SULF2: variants seen among roughly 807,000 people sequenced by gnomAD.
SULF2 encodes extracellular sulfatase Sulf-2.
SULF2 carries 52 observed loss-of-function variants against 107.7 expected under a neutral mutation model. The ratio of observed to expected loss-of-function variants is 0.48; its 90% confidence interval spans 0.39 to 0.61. The LOEUF (loss-of-function observed/expected upper bound fraction) is 0.61, where lower values mean the gene tolerates loss of function less well. Ranked by LOEUF, SULF2 falls within the 20% of genes least tolerant of loss-of-function variation. The pLI is 0.00. For missense variants in SULF2, 993 were observed against 1,177.3 expected (o/e 0.84, Z 2.29); for synonymous variants, 460 against 464.3 (o/e 0.99, Z 0.12).
chr20:47,767,662 C>CTACT (rs1466911698), intron 1 of SULF2, among the ~76,000 whole-genome samples: 4 of 152,120 alleles, frequency 2.6e-5, no homozygotes, highest in African/African-American at 4.8e-5. Flanking sequence ...GTAGTCCTAG[C>CTACT]TACTTGGAAG....
chr20:47,695,289 T>TAA (rs11482656), intron 4 of SULF2, among the ~76,000 whole-genome samples: 98 of 150,066 alleles, frequency 6.5e-4, no homozygotes, highest in African/African-American at 2.3e-3. Context: ...TTTATTGTGG[T>TAA]AAAAAAAAAA....
chr20:47,705,265 A>C (rs62201693), intron 3 of SULF2, among the ~76,000 whole-genome samples: 1 of 152,120 alleles, frequency 6.6e-6, no homozygotes, highest in Non-Finnish European at 1.5e-5. Flanking sequence ...AAGGTCCGGG[A>C]TGGAACCTCC....
In SULF2 at chr20:47,661,838, A is replaced by G; in HGVS notation, c.2429T>C (p.Leu810Pro). The G allele has an allele frequency of 6.3e-7, 1 of 1,595,184 alleles. No homozygotes were observed. Among genetic ancestry groups the G allele is most frequent in the Admixed American group, 1.7e-5 (1 of 58,790 alleles). The change falls in exon 18 of 21, where the codon CTC (leucine) becomes CCC (proline). Residue 810 changes from leucine to proline, a missense_variant. Physicochemically the swap from Leu to Pro is moderately conservative, Grantham distance 98 (BLOSUM62 -3). This residue lies in a region of SULF2 where 497 missense variants were observed against 544.1 expected (regional missense o/e 0.91). Transcript: ENST00000688720. ...ACCCTTGCAGCTCCTCAGCTCCATG[A>G]GCTGTACGTGTAGCTGGTTGAGGAC... ...RDVLNQLHVQLMELRSCKGYK... is the reference protein window; with the variant it reads ...RDVLNQLHVQPMELRSCKGYK...
At chr20:47,712,372 G>A (rs77003760) in intron 3 of SULF2, among the ~76,000 whole-genome samples, 126 of 152,278 alleles carry the variant, frequency 8.3e-4, no homozygotes, top group African/African-American at 3.0e-3. Flanking sequence ...CCTCCTCACC[G>A]TGGCACCTCA....
At chr20:47,696,578 C>G (rs2088386781) in intron 4 of SULF2, among the ~76,000 whole-genome samples, 1 of 152,168 alleles carries the variant, frequency 6.6e-6, no homozygotes, top group Non-Finnish European at 1.5e-5. Flanking sequence ...AACAAATGAG[C>G]ATTCCTGCCT....
intron 3 of SULF2, among the ~76,000 whole-genome samples, chr20:47,716,776 GC>G (rs1312835330): frequency 6.6e-6 from 1 of 152,112 alleles, no homozygotes; most frequent in Non-Finnish European, 1.5e-5. Context: ...CAGGAGGATT[GC>G]TTGAAGCAAA....
rs2146599656 is a variant in SULF2 at position 47,702,566 on chromosome 20, G to T, written c.520C>A (p.Leu174Met). 1 of 1,613,346 alleles carries T rather than the reference G, an allele frequency of 6.2e-7. No homozygotes were observed. Among genetic ancestry groups the T allele is most frequent in the East Asian group, 2.2e-5 (1 of 44,872 alleles). Residue 174 changes from leucine to methionine, a missense_variant, in exon 4 of 21, where the codon CTG becomes ATG. Physicochemically the swap from Leu to Met is conservative, Grantham distance 15. Coordinates refer to ENST00000688720, the MANE Select transcript of SULF2 (RefSeq NM_001387048.1). Reference protein sequence around the residue: ...LKNSRFYNYTLCRNGVKEKHG... With the variant: ...LKNSRFYNYTMCRNGVKEKHG... The stretch of plus-strand genomic sequence containing the variant: ...TTCTCTTTCACCCCGTTCCGACACA[G>T]CGTGTAGTTATAAAAGCGGGAGTTT...
chr20:47,661,548 G>A (rs1478458095), intron 18 of SULF2: 4 of 381,008 alleles, frequency 1.0e-5, no homozygotes, highest in Non-Finnish European at 1.9e-5. Context: ...ACGGAATTCC[G>A]TGTGTTTCCT....
chr20:47,697,524 C>A (rs2088422391), intron 4 of SULF2, among the ~76,000 whole-genome samples: 1 of 152,194 alleles, frequency 6.6e-6, no homozygotes, highest in Non-Finnish European at 1.5e-5. Flanking sequence ...CCGGGCTCAC[C>A]CCTGTTCCCT....
chr20:47,737,840 G>A (rs571449840), intron 2 of SULF2, among the ~76,000 whole-genome samples: 64 of 125,696 alleles, frequency 5.1e-4, no homozygotes, highest in Non-Finnish European at 8.6e-4. Flanking sequence ...TTGACTCACT[G>A]CAATCTCTGC....
chr20:47,761,642 A>C (rs774502589), intron 1 of SULF2, among the ~76,000 whole-genome samples: 1 of 152,254 alleles, frequency 6.6e-6, no homozygotes, highest in Non-Finnish European at 1.5e-5. Context: ...TGAGATTAGC[A>C]GGTGTTGAAA....
intron 3 of SULF2, among the ~76,000 whole-genome samples, chr20:47,736,360 C>T (rs1474408668): frequency 2.0e-5 from 3 of 152,170 alleles, no homozygotes; most frequent in South Asian, 2.1e-4. Flanking sequence ...TTGAAGTCAA[C>T]GAAACAGTCC....
chr20:47,678,942 C>A lies in SULF2; in HGVS notation c.1065-138G>T. 1 of 722,834 alleles carries A rather than the reference C, an allele frequency of 1.4e-6. No individual in the cohort carries two copies. The highest frequency in any genetic ancestry group is 2.6e-5 in the East Asian group (1 of 38,626). 44.8% of individuals were successfully genotyped at this position (722,834 alleles called of 1,614,324 possible). A position where few individuals can be genotyped will look rare whatever the true frequency, so the allele number is the denominator to read the frequency against. ...AGGTATGGAAGCTGCAGTCTGGCAC[C>A]TCAACCTCAGCAGCTCCCCTCTGCG... On this transcript the variant is annotated intron_variant, in intron 7 of 20. Transcript: ENST00000688720. This position sits in a 1 kb window ranked among gnomAD's most constrained non-coding sequence, Gnocchi z 4.5.
chr20:47,742,631 T>C lies in SULF2; in HGVS notation c.176-5689A>G, dbSNP rs2089911109. Among the ~76,000 whole-genome samples the C allele has an allele frequency of 2.0e-5, 3 of 152,332 alleles. No individual in the cohort carries two copies. The South Asian group carries it at 6.2e-4, about 32-fold the overall frequency. On this transcript the variant is annotated intron_variant, in intron 2 of 20. Transcript: ENST00000688720. ...GGGCCTGTGTACCACTGTGCTATGA[T>C]TTGTTTGATATTTGTATTTAACGTG...
intron 2 of SULF2, among the ~76,000 whole-genome samples, chr20:47,737,804 C>T (rs1331466297): frequency 1.5e-5 from 2 of 131,430 alleles, no homozygotes; most frequent in Admixed American, 1.7e-4. Context: ...GCTCTGTTGC[C>T]CAGGCTGGAG....
At chr20:47,751,038 C>T (rs776861992) in intron 2 of SULF2, among the ~76,000 whole-genome samples, 4 of 152,190 alleles carry the variant, frequency 2.6e-5, no homozygotes, top group Admixed American at 6.5e-5. Context: ...TCACTTTCTG[C>T]TCTTTTATGT....
At chr20:47,752,279 GATC>G (rs964516858) in intron 2 of SULF2, among the ~76,000 whole-genome samples, 2 of 152,162 alleles carry the variant, frequency 1.3e-5, no homozygotes, top group Non-Finnish European at 2.9e-5. Flanking sequence ...CAGGGAAACA[GATC>G]ATCATCTCCA....
intron 3 of SULF2, among the ~76,000 whole-genome samples, chr20:47,728,412 AGAG>A (rs2089504939): frequency 6.6e-6 from 1 of 152,104 alleles, no homozygotes; most frequent in African/African-American, 2.4e-5. Context: ...CTGAGAAGAA[AGAG>A]GAGGAAAGGC....
rs372833603 is a variant in SULF2, at chr20:47,776,013, G to C, written c.-101+9330C>G. Among the ~76,000 whole-genome samples the C allele has an allele frequency of 4.5e-4, 69 of 152,218 alleles. No homozygotes were observed. The East Asian group carries it at 0.01, about 23-fold the overall frequency. Reference sequence around the variant, plus strand: ...GATAATGTAAACGGGTGAAGTGGACGCATAAGAAAACTCCACACCCCACTT... The same window carrying C: ...GATAATGTAAACGGGTGAAGTGGACCCATAAGAAAACTCCACACCCCACTT... On this transcript the variant is annotated intron_variant, in intron 1 of 20. Transcript: ENST00000688720.
Sources: gnomAD v4.1 joint callset for allele counts (sites outside exome capture counted in the v4.1 genomes callset) on GRCh38, gnomAD v4.1.1 for gene constraint, gnomAD v4.1.1 regional missense constraint, Gnocchi (gnomAD v3.1) non-coding constraint, MANE v1.5 for transcripts, NCBI Gene and HGNC (gene_info 2026-07-23, HGNC 2026-07-21) for gene names.